The following MSRA variants were observed in gnomAD, a reference collection of about 807,000 sequenced individuals.
MSRA encodes mitochondrial peptide methionine sulfoxide reductase.
In MSRA, 54 loss-of-function variants were observed where a neutral mutation model predicts 31.3. The observed-to-expected ratio is 1.73, with a 90% confidence interval of 1.39 to 2.17. The LOEUF is 2.17. MSRA is among the 30% of genes most tolerant of loss of function. The pLI is 0.00. For missense variants in MSRA, 507 were observed against 300.9 expected (o/e 1.69, Z -5.07); for synonymous variants, 169 against 116.5 (o/e 1.45, Z -2.90).
chr8:10,126,005 C>G (rs1233636331), intron 1 of MSRA, among the ~76,000 whole-genome samples: 3 of 152,178 alleles, frequency 2.0e-5, no homozygotes, highest in Admixed American at 2.0e-4. Context: ...CAGAACTCAG[C>G]CAACTTTTAG....
chr8:10,259,180 A>G (rs1389027213), intron 3 of MSRA, among the ~76,000 whole-genome samples: 3 of 152,132 alleles, frequency 2.0e-5, no homozygotes, highest in African/African-American at 4.8e-5. Flanking sequence ...GAAGTTCTCA[A>G]TGCCCTGAAA....
At chr8:10,297,845 C>T (rs1015139714) in intron 3 of MSRA, among the ~76,000 whole-genome samples, 1 of 152,110 alleles carries the variant, frequency 6.6e-6, no homozygotes, top group African/African-American at 2.4e-5. Flanking sequence ...CTTTCCTGAC[C>T]CCATATTGCT....
chr8:10,118,094 C>A (rs4841282), intron 1 of MSRA, among the ~76,000 whole-genome samples: 74,862 of 151,980 alleles, frequency 0.49, 19,516 homozygotes, highest in East Asian at 0.95. Context: ...CCTGGGTGTT[C>A]ATTCTCCCCT....
chr8:10,209,608 A>C (rs1025459519), intron 2 of MSRA, among the ~76,000 whole-genome samples: 8 of 152,130 alleles, frequency 5.3e-5, no homozygotes, highest in African/African-American at 1.2e-4. Context: ...GGCTTCCTCA[A>C]CATTCTTCCC....
At chr8:10,191,275 C>G (rs371256138) in intron 1 of MSRA, among the ~76,000 whole-genome samples, 1 of 152,000 alleles carries the variant, frequency 6.6e-6, no homozygotes, top group Admixed American at 6.6e-5. Context: ...GAAAAGAGAC[C>G]CCAGACTCAC....
At chr8:10,320,671 A>T (rs1801998849) in intron 5 of MSRA, among the ~76,000 whole-genome samples, 1 of 152,168 alleles carries the variant, frequency 6.6e-6, no homozygotes, top group East Asian at 1.9e-4. Flanking sequence ...TTTAAACAGC[A>T]GATATTTATT....
chr8:10,168,947 A>C (rs1805371465), intron 1 of MSRA, among the ~76,000 whole-genome samples: 1 of 151,984 alleles, frequency 6.6e-6, no homozygotes, highest in Non-Finnish European at 1.5e-5. Flanking sequence ...CATGATATAA[A>C]GATTGAGTTG....
intron 2 of MSRA, among the ~76,000 whole-genome samples, chr8:10,232,720 A>G (rs1205044738): frequency 6.6e-6 from 1 of 152,236 alleles, no homozygotes; most frequent in Non-Finnish European, 1.5e-5. Flanking sequence ...ATAGACACAG[A>G]TATTCATGAG....
chr8:10,247,751 A>G (rs529645423), intron 3 of MSRA, among the ~76,000 whole-genome samples: 19 of 152,272 alleles, frequency 1.2e-4, no homozygotes, highest in Non-Finnish European at 2.6e-4. Flanking sequence ...ACACAGAAGG[A>G]GAGACGATTT....
intron 3 of MSRA, among the ~76,000 whole-genome samples, chr8:10,261,163 G>C (rs868858678): frequency 2.9e-4 from 44 of 152,070 alleles, no homozygotes; most frequent in Admixed American, 3.9e-4. Flanking sequence ...TGATGGTATT[G>C]ATTACCTTTT....
intron 1 of MSRA, among the ~76,000 whole-genome samples, chr8:10,164,704 T>C (rs935513831): frequency 5.9e-5 from 9 of 152,094 alleles, no homozygotes; most frequent in Non-Finnish European, 8.8e-5. Flanking sequence ...TAGTTTCCTT[T>C]CCCTGTAGAA....
At chr8:10,229,603 C>T (rs1811293224) in intron 2 of MSRA, among the ~76,000 whole-genome samples, 1 of 151,972 alleles carries the variant, frequency 6.6e-6, no homozygotes, top group African/African-American at 2.4e-5. Flanking sequence ...AGGCAGGGAG[C>T]CTAAGAGAAC....
chr8:10,252,979 T>C (rs918090554), intron 3 of MSRA, among the ~76,000 whole-genome samples: 2 of 152,184 alleles, frequency 1.3e-5, no homozygotes, highest in African/African-American at 4.8e-5. Flanking sequence ...GATAGGTAGT[T>C]CAAAGTTGAA....
intron 1 of MSRA, among the ~76,000 whole-genome samples, chr8:10,146,248 T>G (rs1404985147): frequency 3.9e-5 from 6 of 151,936 alleles, no homozygotes; most frequent in Non-Finnish European, 2.9e-5. Context: ...GATGTTAGAG[T>G]AAACTGAGGA....
At chr8:10,250,741 C>T (rs1186613850) in intron 3 of MSRA, 5 of 462,718 alleles carry the variant, frequency 1.1e-5, no homozygotes, top group Non-Finnish European at 1.9e-5. Context: ...AAAATATTTA[C>T]TGTCAGGTGC....
chr8:10,387,276 TAA>T (rs1161861666), intron 5 of MSRA, among the ~76,000 whole-genome samples: 6 of 152,226 alleles, frequency 3.9e-5, no homozygotes, highest in African/African-American at 1.4e-4. Flanking sequence ...AGGAAGCAGG[TAA>T]AACAGAGCAA....
intron 1 of MSRA, among the ~76,000 whole-genome samples, chr8:10,118,557 C>G (rs924861677): frequency 8.5e-5 from 13 of 152,140 alleles, no homozygotes; most frequent in African/African-American, 3.1e-4. Flanking sequence ...ACCCAACATT[C>G]TTCAGAACCT....
intron 3 of MSRA, among the ~76,000 whole-genome samples, chr8:10,265,926 A>T (rs1228304417): frequency 6.6e-6 from 1 of 152,208 alleles, no homozygotes. Context: ...ATGTTCTCGG[A>T]TCAGCAGTTC....
intron 5 of MSRA, among the ~76,000 whole-genome samples, chr8:10,346,694 A>G (rs765605354): frequency 2.0e-4 from 30 of 152,206 alleles, no homozygotes; most frequent in Non-Finnish European, 4.0e-4. Flanking sequence ...GATGCGGGGA[A>G]TCTTGTGTAA....
Sources: gnomAD v4.1 joint callset for allele counts (sites outside exome capture counted in the v4.1 genomes callset) on GRCh38, gnomAD v4.1.1 for gene constraint, MANE v1.5 for transcripts, NCBI Gene and HGNC (gene_info 2026-07-23, HGNC 2026-07-21) for gene names.